LMX1A: variants seen among roughly 807,000 people sequenced by gnomAD.
The protein encoded by LMX1A is LIM homeobox transcription factor 1-alpha.
In LMX1A, 15 loss-of-function variants were observed where a neutral mutation model predicts 49.1. The ratio of observed to expected loss-of-function variants is 0.31; its 90% CI spans 0.20 to 0.47. The LOEUF is 0.47. Among genes scored for constraint, LMX1A ranks in the 20% least tolerant of loss-of-function variants. The pLI is 1.00. For synonymous variants in LMX1A, 167 were observed against 185.7 expected, an observed-to-expected ratio of 0.90 and a Z score of 0.82; for missense variants, 372 against 475.8, an observed-to-expected ratio of 0.78 and a Z score of 2.03.
chr1:165,242,346 C>A (rs1256602704), intron 4 of LMX1A, among the ~76,000 whole-genome samples: 1 of 152,070 alleles, frequency 6.6e-6, no homozygotes, highest in Admixed American at 6.6e-5. Flanking sequence ...CTGGGAAAAT[C>A]CCTCTACAAA....
intron 3 of LMX1A, among the ~76,000 whole-genome samples, chr1:165,292,386 A>C (rs373447194): frequency 6.6e-6 from 1 of 152,232 alleles, no homozygotes; most frequent in Non-Finnish European, 1.5e-5. Context: ...CTGGAAGCAA[A>C]GCTCCGGAAA....
At chr1:165,243,255 G>A (rs545226296) in intron 4 of LMX1A, among the ~76,000 whole-genome samples, 3 of 152,210 alleles carry the variant, frequency 2.0e-5, no homozygotes, top group East Asian at 1.9e-4. Flanking sequence ...ACTCTCAGAC[G>A]ACTTCTGATT....
At chr1:165,245,385 G>A (rs1250076404) in intron 4 of LMX1A, among the ~76,000 whole-genome samples, 1 of 152,152 alleles carries the variant, frequency 6.6e-6, no homozygotes, top group African/African-American at 2.4e-5. Flanking sequence ...CCCTTTATCA[G>A]ACACAGTTCT....
intron 3 of LMX1A, among the ~76,000 whole-genome samples, chr1:165,343,273 A>G (rs1369259446): frequency 6.6e-6 from 1 of 152,106 alleles, no homozygotes; most frequent in Non-Finnish European, 1.5e-5. Flanking sequence ...CAGCTAAGGA[A>G]CAGCGGGACA....
chr1:165,351,476 TAC>T (rs1656425004), intron 3 of LMX1A, among the ~76,000 whole-genome samples: 1 of 152,204 alleles, frequency 6.6e-6, no homozygotes, highest in South Asian at 2.1e-4. Flanking sequence ...CAACCAAGAA[TAC>T]ACAGTCACAT....
At chr1:165,208,615 C>T (rs919410793) in intron 6 of LMX1A, among the ~76,000 whole-genome samples, 11 of 152,310 alleles carry the variant, frequency 7.2e-5, no homozygotes, top group East Asian at 1.9e-4. Flanking sequence ...CCTGCTAACA[C>T]GCAAGCTTCC....
chr1:165,299,889 T>A (rs899066570), intron 3 of LMX1A, among the ~76,000 whole-genome samples: 2 of 152,096 alleles, frequency 1.3e-5, no homozygotes, highest in African/African-American at 4.8e-5. Context: ...AAATACCTTC[T>A]TTTCTCCCTG....
intron 3 of LMX1A, among the ~76,000 whole-genome samples, chr1:165,334,033 A>G (rs888859751): frequency 6.6e-6 from 1 of 152,216 alleles, no homozygotes; most frequent in Non-Finnish European, 1.5e-5. Context: ...AGCTAAGGAA[A>G]CTTAAACACA....
At chr1:165,229,555 C>T (rs1237046373) in intron 4 of LMX1A, among the ~76,000 whole-genome samples, 1 of 152,208 alleles carries the variant, frequency 6.6e-6, no homozygotes, top group Admixed American at 6.5e-5. Flanking sequence ...AGGCACTTAA[C>T]CTCAATTTTC....
At chr1:165,277,164 A>G (rs1214635456) in intron 3 of LMX1A, among the ~76,000 whole-genome samples, 3 of 152,214 alleles carry the variant, frequency 2.0e-5, no homozygotes, top group Non-Finnish European at 4.4e-5. Context: ...TTGTTGGTAA[A>G]AGATGCAGGT....
intron 4 of LMX1A, among the ~76,000 whole-genome samples, chr1:165,220,110 C>A (rs74118525): frequency 0.018 from 2,810 of 152,236 alleles, 70 homozygotes; most frequent in African/African-American, 0.058. Context: ...ATGTTCCTGG[C>A]ATTCCACCAC....
chr1:165,259,302 C>T (rs886212143), intron 3 of LMX1A, among the ~76,000 whole-genome samples: 1 of 152,194 alleles, frequency 6.6e-6, no homozygotes, highest in Non-Finnish European at 1.5e-5. Context: ...ATGGTCTACC[C>T]TAACCCAAGG....
At chr1:165,284,448 A>AAACACTG (rs1269334627) in intron 3 of LMX1A, among the ~76,000 whole-genome samples, 4 of 152,230 alleles carry the variant, frequency 2.6e-5, no homozygotes, top group Non-Finnish European at 5.9e-5. Context: ...TCCTAACAAC[A>AAACACTG]AACACTGAAC....
Position 165,353,139 on chromosome 1 carries a change from T to C in LMX1A, c.200A>G (p.Glu67Gly), listed in dbSNP as rs762740266. ...EQCVQCASCK[E>G]PLETTCFYRD... is the part of the protein sequence containing the mutation. ...GTAGAAGCAGGTGGTCTCCAGGGGC[T>C]CTTTGCAGGAGGCGCACTGCACGCA... Residue 67 changes from glutamate to glycine, a missense_variant, in exon 3 of 9, where the codon GAG (glutamate) becomes GGG (glycine). By Grantham distance (98) the Glu-to-Gly change is moderately conservative. Around this residue, in one of 3 missense-constraint regions of LMX1A, gnomAD observed 199 missense variants for 244.0 expected, o/e 0.82. Coordinates refer to ENST00000342310, the MANE Select transcript of LMX1A (RefSeq NM_177398.4). The C allele has an allele frequency of 6.2e-7, 1 of 1,614,086 alleles. No individual in the cohort carries two copies. The highest frequency in any genetic ancestry group is 1.3e-5 in the African/African-American group (1 of 74,934).
intron 3 of LMX1A, among the ~76,000 whole-genome samples, chr1:165,322,647 C>T (rs1387783305): frequency 6.6e-6 from 1 of 151,898 alleles, no homozygotes; most frequent in Non-Finnish European, 1.5e-5. Context: ...AGATAGAAAA[C>T]CAAGTAGGGG....
At chr1:165,243,088 C>T (rs1351171559) in intron 4 of LMX1A, among the ~76,000 whole-genome samples, 1 of 152,010 alleles carries the variant, frequency 6.6e-6, no homozygotes, top group Non-Finnish European at 1.5e-5. Context: ...ATGTTAATTT[C>T]TTAGTTTTGA....
intron 3 of LMX1A, among the ~76,000 whole-genome samples, chr1:165,298,935 C>A (rs1212777756): frequency 6.6e-6 from 1 of 152,184 alleles, no homozygotes; most frequent in African/African-American, 2.4e-5. Flanking sequence ...AAATACTGAG[C>A]ATGTGTTATA....
chr1:165,295,057 A>G (rs1654577682), intron 3 of LMX1A, among the ~76,000 whole-genome samples: 1 of 152,204 alleles, frequency 6.6e-6, no homozygotes. Context: ...AATTTCAGCT[A>G]TAAATACCTA....
intron 3 of LMX1A, among the ~76,000 whole-genome samples, chr1:165,268,580 C>T (rs575536595): frequency 6.6e-6 from 1 of 152,244 alleles, no homozygotes; most frequent in South Asian, 2.1e-4. Flanking sequence ...TTTAAAATAC[C>T]TTTTTCTAGT....
Sources: allele counts gnomAD v4.1 joint callset (sites outside exome capture counted in the v4.1 genomes callset), GRCh38; gene constraint gnomAD v4.1.1; regional missense constraint gnomAD v4.1.1; transcripts MANE v1.5; gene names NCBI Gene and HGNC (gene_info 2026-07-23, HGNC 2026-07-21).